The following SPAG16 variants were observed in gnomAD, a reference collection of about 807,000 sequenced individuals.
SPAG16 encodes sperm-associated antigen 16 protein.
In SPAG16, 86 loss-of-function variants were observed where a neutral mutation model predicts 80.4. That is an observed-to-expected ratio of 1.07 (90% CI 0.90 to 1.28). The LOEUF (loss-of-function observed/expected upper bound fraction) is 1.28. Ranked by LOEUF, SPAG16 falls within the 50% of genes most tolerant of loss-of-function variation. The pLI is 0.00. For missense variants in SPAG16, 870 were observed against 765.3 expected, an observed-to-expected ratio of 1.14 and a Z score of -1.61; for synonymous variants, 294 against 265.9, an observed-to-expected ratio of 1.11 and a Z score of -1.03.
chr2:214,041,978 G>GTGTATATATATA (rs1410396491), intron 13 of SPAG16, among the ~76,000 whole-genome samples: 84 of 116,338 alleles, frequency 7.2e-4, no homozygotes, highest in African/African-American at 2.1e-3. Context: ...GTCTGTGTGT[G>GTGTATATATATA]TATATATATA....
chr2:213,988,506 G>C (rs923450192), intron 12 of SPAG16, among the ~76,000 whole-genome samples: 7 of 152,042 alleles, frequency 4.6e-5, no homozygotes, highest in Non-Finnish European at 8.8e-5. Flanking sequence ...AAAGGTTAAA[G>C]AGGAATTCAC....
intron 9 of SPAG16, among the ~76,000 whole-genome samples, chr2:213,479,775 C>CT (rs1044974230): frequency 2.0e-5 from 3 of 151,886 alleles, no homozygotes; most frequent in South Asian, 2.1e-4. Flanking sequence ...CATATTTATT[C>CT]TTTTTTTTAC....
intron 11 of SPAG16, among the ~76,000 whole-genome samples, chr2:213,884,353 T>A (rs1237512817): frequency 6.6e-6 from 1 of 152,202 alleles, no homozygotes; most frequent in Non-Finnish European, 1.5e-5. Flanking sequence ...TTCTTGCTTT[T>A]ATGGTTTCTG....
chr2:214,214,319 A>G (rs1397094734), intron 15 of SPAG16, among the ~76,000 whole-genome samples: 2 of 151,748 alleles, frequency 1.3e-5, no homozygotes, highest in East Asian at 3.9e-4. Flanking sequence ...ACAGGCATGT[A>G]CCACCATGCC....
intron 5 of SPAG16, 154 bp downstream of exon 5, chr2:213,317,510 A>T (rs2126136587): frequency 7.4e-7 from 1 of 1,343,420 alleles, no homozygotes. Flanking sequence ...TTAGCAAATT[A>T]ATTAAACAGA....
At chr2:214,213,458 G>GACCAGCTGTGTCA (rs1319930492) in intron 15 of SPAG16, among the ~76,000 whole-genome samples, 1 of 152,186 alleles carries the variant, frequency 6.6e-6, no homozygotes, top group Non-Finnish European at 1.5e-5. Context: ...GCCAGGGTCA[G>GACCAGCTGTGTCA]AGACCAGCTG....
chr2:214,367,673 A>C (rs1480018193), intron 15 of SPAG16, among the ~76,000 whole-genome samples: 2 of 152,138 alleles, frequency 1.3e-5, no homozygotes, highest in African/African-American at 4.8e-5. Flanking sequence ...ACTTTTTAAA[A>C]ATTCTGTAGA....
intron 9 of SPAG16, among the ~76,000 whole-genome samples, chr2:213,469,559 C>A (rs1030645660): frequency 6.7e-6 from 1 of 148,792 alleles, no homozygotes; most frequent in Non-Finnish European, 1.5e-5. Flanking sequence ...CTTCAGCAAG[C>A]ACCTCAGCAG....
intron 11 of SPAG16, among the ~76,000 whole-genome samples, chr2:213,920,700 A>C (rs192159245): frequency 1.3e-5 from 2 of 152,306 alleles, no homozygotes; most frequent in Non-Finnish European, 2.9e-5. Flanking sequence ...CTCAAGTCAG[A>C]CTAGCCCCAT....
chr2:213,659,384 G>A (rs1421155389), intron 10 of SPAG16, among the ~76,000 whole-genome samples: 1 of 151,370 alleles, frequency 6.6e-6, no homozygotes, highest in African/African-American at 2.4e-5. Context: ...CACAGAGTGG[G>A]TTTGCTGAAA....
intron 13 of SPAG16, among the ~76,000 whole-genome samples, chr2:214,053,668 A>G (rs1410352796): frequency 6.6e-6 from 1 of 152,208 alleles, no homozygotes; most frequent in African/African-American, 2.4e-5. Flanking sequence ...TCAGGAGTCA[A>G]GGTCCAGGCT....
At chr2:213,978,784 A>G (rs1259600304) in intron 12 of SPAG16, among the ~76,000 whole-genome samples, 1 of 152,068 alleles carries the variant, frequency 6.6e-6, no homozygotes, top group East Asian at 1.9e-4. Context: ...TCTGTTTTCA[A>G]GCTCGGTCCT....
At chr2:214,402,632 A>C (rs1421652402) in intron 15 of SPAG16, among the ~76,000 whole-genome samples, 2 of 152,032 alleles carry the variant, frequency 1.3e-5, no homozygotes, top group Admixed American at 1.3e-4. Flanking sequence ...CCCCTATATC[A>C]AAAATTAAAT....
chr2:214,267,058 T>C (rs1691625612), intron 15 of SPAG16, among the ~76,000 whole-genome samples: 1 of 151,638 alleles, frequency 6.6e-6, no homozygotes, highest in Non-Finnish European at 1.5e-5. Context: ...AATTCCAATG[T>C]CATTCTTCAC....
intron 12 of SPAG16, among the ~76,000 whole-genome samples, chr2:213,960,944 T>A (rs2044385718): frequency 6.6e-6 from 1 of 152,172 alleles, no homozygotes; most frequent in Admixed American, 6.5e-5. Flanking sequence ...TCTCTGGTAT[T>A]TGGGGAATAC....
At chr2:213,826,328 A>G (rs2073298978) in intron 10 of SPAG16, among the ~76,000 whole-genome samples, 1 of 151,690 alleles carries the variant, frequency 6.6e-6, no homozygotes, top group Non-Finnish European at 1.5e-5. Flanking sequence ...TTTAAGATAC[A>G]TCATGAGGTT....
At chr2:213,633,727 A>T (rs752689236) in intron 10 of SPAG16, among the ~76,000 whole-genome samples, 1 of 152,132 alleles carries the variant, frequency 6.6e-6, no homozygotes, top group African/African-American at 2.4e-5. Flanking sequence ...ATATATATTT[A>T]ACATTGTTAT....
chr2:213,519,066 A>G (rs1291516374), intron 10 of SPAG16, among the ~76,000 whole-genome samples: 1 of 152,184 alleles, frequency 6.6e-6, no homozygotes, highest in Admixed American at 6.5e-5. Flanking sequence ...ACTGTGGACT[A>G]CCGGTGGGGG....
At chr2:214,267,567 T>TA (rs1356794791) in intron 15 of SPAG16, among the ~76,000 whole-genome samples, 1 of 151,694 alleles carries the variant, frequency 6.6e-6, no homozygotes, top group African/African-American at 2.4e-5. Context: ...AATGGGAAAA[T>TA]ATCCATAACA....
Sources: gnomAD v4.1 joint callset for allele counts (sites outside exome capture counted in the v4.1 genomes callset) on GRCh38, gnomAD v4.1.1 for gene constraint, MANE v1.5 for transcripts, NCBI Gene and HGNC (gene_info 2026-07-23, HGNC 2026-07-21) for gene names.